The following TRIL variants were observed in gnomAD, a reference collection of about 807,000 sequenced individuals.
The protein encoded by TRIL is TLR4 interactor with leucine rich repeats.
In TRIL, 23 loss-of-function variants were observed where a neutral mutation model predicts 43.0. The ratio of observed to expected loss-of-function variants is 0.54; its 90% CI spans 0.39 to 0.76. The LOEUF (loss-of-function observed/expected upper bound fraction) is 0.76. Among genes scored for constraint, TRIL ranks in the 30% least tolerant of loss-of-function variants. The pLI, the probability that TRIL is intolerant of heterozygous loss-of-function variation, is 0.00. For missense variants in TRIL, 1,114 were observed against 1,139.3 expected, an observed-to-expected ratio of 0.98 and a Z score of 0.32; for synonymous variants, 602 against 556.8, an observed-to-expected ratio of 1.08 and a Z score of -1.14.
Position 28,955,393 on chromosome 7 carries a change from C to T in TRIL, c.*218G>A. ...AGCGAAGCCTCCGACCTCAGCATCC[C>T]ACCATCCATTTGTCCCCTACTCTGG... On this transcript the variant is annotated 3_prime_UTR_variant, in exon 1 of 1. Transcript: ENST00000539664. The T allele has an allele frequency of 4.5e-6, 3 of 664,312 alleles. No individual in the cohort carries two copies. The highest frequency in any genetic ancestry group is 5.4e-5 in the South Asian group (2 of 37,232). 41.2% of individuals were successfully genotyped at this position (664,312 alleles called of 1,614,324 possible).
Position 28,957,982 on chromosome 7 carries a change from A to G in TRIL, c.65T>C (p.Leu22Pro). 1.2e-6 allele frequency: 2 copies of G among 1,600,138 alleles called. No homozygotes were observed. Among genetic ancestry groups the G allele is most frequent in the East Asian group, 4.5e-5 (2 of 44,778 alleles). Residue 22 changes from leucine to proline, a missense_variant, in exon 1 of 1, where the codon CTG becomes CCG. By Grantham distance (98) the Leu-to-Pro change is moderately conservative. Transcript: ENST00000539664. ...GCGCTCCGGGCACACGGGCTCGGCCAGCGGCGGGAGCGCGAGGCAGCCGCA... is the reference window on the plus strand; with the variant it reads ...GCGCTCCGGGCACACGGGCTCGGCCGGCGGCGGGAGCGCGAGGCAGCCGCA... The part of the protein sequence containing the change: ...VVCGCLALPP[L>P]AEPVCPERCD...
Position 28,956,700 on chromosome 7 carries a change from C to A in TRIL, c.1347G>T (p.Glu449Asp). The A allele has an allele frequency of 6.3e-7, 1 of 1,588,590 alleles. No individual in the cohort carries two copies. Among genetic ancestry groups the A allele is most frequent in the Non-Finnish European group, 8.5e-7 (1 of 1,170,700 alleles). The change falls in exon 1 of 1, where the codon GAG (glutamate) becomes GAT (aspartate). Residue 449 changes from glutamate (E) to aspartate (D), a missense_variant. Coordinates refer to ENST00000539664, the MANE Select transcript of TRIL (RefSeq NM_014817.4). ...EMTPPAGLAEELPPQPQLQQQ... is the reference protein window; with the variant it reads ...EMTPPAGLAEDLPPQPQLQQQ... Reference sequence around the variant, plus strand: ...GCTGGAGCTGCGGCTGCGGCGGCAGCTCCTCCGCGAGACCTGCAGGTGGCG... The same window carrying A: ...GCTGGAGCTGCGGCTGCGGCGGCAGATCCTCCGCGAGACCTGCAGGTGGCG...
Position 28,956,847 on chromosome 7 carries a change from G to C in TRIL, c.1200C>G (p.Tyr400Ter). 6.2e-7 allele frequency: 1 copy of C among 1,608,296 alleles called. No individual in the cohort carries two copies. The change falls in exon 1 of 1, where the codon TAC becomes TAG. Residue 400 changes from tyrosine to a stop codon, truncating the protein, a stop_gained. Transcript: ENST00000539664. LOFTEE classifies it high-confidence loss of function. Reference protein sequence around the residue: ...CRHPPALRGKYLDYLDDQQLQ... With the variant: ...CRHPPALRGK ...GCTGCTGGTCATCCAGGTAATCCAGGTATTTGCCTCGCAGGGCCGGGGGGT... is the reference window on the plus strand; with the variant it reads ...GCTGCTGGTCATCCAGGTAATCCAGCTATTTGCCTCGCAGGGCCGGGGGGT...
In TRIL at chr7:28,956,441, G is replaced by A. The variant is rs919246391; in HGVS notation, c.1606C>T (p.Pro536Ser). Residue 536 changes from proline (P) to serine (S), a missense_variant, in exon 1 of 1, where the codon CCT becomes TCT. Transcript: ENST00000539664. Reference protein sequence around the residue: ...ALAEPTPTASPGSAPSPAGDP... With the variant: ...ALAEPTPTASSGSAPSPAGDP... ...CCGGCGGGCGATGGCGCAGAGCCAG[G>A]AGAGGCCGTTGGGGTGGGCTCCGCG... The A allele has an allele frequency of 2.6e-6, 4 of 1,543,252 alleles. No individual in the cohort carries two copies. Among genetic ancestry groups the A allele is most frequent in the Non-Finnish European group, 3.5e-6 (4 of 1,151,570 alleles).
At position 28,956,138 on chromosome 7, in the gene TRIL, C is replaced by T. The variant is rs1473525193; in HGVS notation, c.1909G>A (p.Val637Ile). 6.4e-7 allele frequency: 1 copy of T among 1,568,420 alleles called. No individual in the cohort carries two copies. Among genetic ancestry groups the T allele is most frequent in the Non-Finnish European group, 8.6e-7 (1 of 1,158,594 alleles). The change falls in exon 1 of 1, where the codon GTC becomes ATC. Residue 637 changes from valine to isoleucine, a missense_variant. Coordinates refer to ENST00000539664, the MANE Select transcript of TRIL (RefSeq NM_014817.4). ...FGQQPKFHRFVYLPESSDSAT... is the reference protein window; with the variant it reads ...FGQQPKFHRFIYLPESSDSAT... ...GAGTCGCTGCTCTCAGGCAGGTAGA[C>T]GAAGCGGTGGAACTTGGGCTGCTGG...
Position 28,954,364 on chromosome 7 carries a change from G to T in TRIL, c.*1247C>A, listed in dbSNP as rs1486270519. 1 of 152,622 alleles carries T rather than the reference G, an allele frequency of 6.6e-6. No individual in the cohort carries two copies. The highest frequency in any genetic ancestry group is 1.5e-5 in the Non-Finnish European group (1 of 68,036). 9.5% of individuals were successfully genotyped at this position (152,622 alleles called of 1,614,324 possible). ...ACACTCAGTTGGGGAGGGATTAATTGCAAAATATATCATTATTTCACAGTG... is the reference window on the plus strand; with the variant it reads ...ACACTCAGTTGGGGAGGGATTAATTTCAAAATATATCATTATTTCACAGTG... On this transcript the variant is annotated 3_prime_UTR_variant, in exon 1 of 1. Transcript: ENST00000539664.
rs1356660075 is a variant in TRIL at position 28,954,734 on chromosome 7, T to C, written c.*877A>G. The C allele has an allele frequency of 6.6e-6, 1 of 152,206 alleles. No individual in the cohort carries two copies. The highest frequency in any genetic ancestry group is 1.5e-5 in the Non-Finnish European group (1 of 68,040). The allele number at this position is 152,206 out of a possible 1,614,324, so 9.4% of individuals were successfully genotyped here. ...GTTCCCCAGTGGGTCATCAGCTACATATACATCACATTCTTTTATCAAATC... is the reference window on the plus strand; with the variant it reads ...GTTCCCCAGTGGGTCATCAGCTACACATACATCACATTCTTTTATCAAATC... On this transcript the variant is annotated 3_prime_UTR_variant, in exon 1 of 1. Coordinates refer to ENST00000539664, the MANE Select transcript of TRIL (RefSeq NM_014817.4).
chr7:28,956,696 G>A lies in TRIL; in HGVS notation c.1351C>T (p.Pro451Ser). ...TPPAGLAEEL[P>S]PQPQLQQQGR... ...TGCTGCTGGAGCTGCGGCTGCGGCG[G>A]CAGCTCCTCCGCGAGACCTGCAGGT... is the stretch of plus-strand genomic sequence containing the variant. Residue 451 changes from proline (P) to serine (S), a missense_variant, in exon 1 of 1, where the codon CCG becomes TCG. Coordinates refer to ENST00000539664, the MANE Select transcript of TRIL (RefSeq NM_014817.4). 6.3e-7 allele frequency: 1 copy of A among 1,588,132 alleles called. No individual in the cohort carries two copies. Among genetic ancestry groups the A allele is most frequent in the Non-Finnish European group, 8.5e-7 (1 of 1,170,612 alleles).
chr7:28,957,398 G>T lies in TRIL; in HGVS notation c.649C>A (p.Pro217Thr). 1 of 1,613,536 alleles carries T rather than the reference G, an allele frequency of 6.2e-7. No homozygotes were observed. The highest frequency in any genetic ancestry group is 8.5e-7 in the Non-Finnish European group (1 of 1,179,860). ...AAGGTGGCCGCGTGGCGCAGGGAGG[G>T]CTGTAGCTCGTTGGCAGAGAGGTTG... ...FLNLSANELQPSLRHAATFAP... is the reference protein window; with the variant it reads ...FLNLSANELQTSLRHAATFAP... Residue 217 changes from proline to threonine, a missense_variant, in exon 1 of 1, where the codon CCC becomes ACC. Coordinates refer to ENST00000539664, the MANE Select transcript of TRIL (RefSeq NM_014817.4).
Position 28,955,723 on chromosome 7 carries a change from C to G in TRIL, c.2324G>C (p.Ser775Thr). The G allele has an allele frequency of 6.5e-7, 1 of 1,550,354 alleles. No individual in the cohort carries two copies. The highest frequency in any genetic ancestry group is 8.7e-7 in the Non-Finnish European group (1 of 1,146,916). ...GGGGAATTCGATGAGGTCCGCCTCA[C>G]TGAGCGCGCACACGGTGGTGCGTGG... is the stretch of plus-strand genomic sequence containing the variant. The part of the protein sequence containing the change: ...HRPRTTVCAL[S>T]EADLIEFPCD... Residue 775 changes from serine to threonine, a missense_variant, in exon 1 of 1, where the codon AGT becomes ACT. By Grantham distance (58) the Ser-to-Thr change is moderately conservative. Coordinates refer to ENST00000539664, the MANE Select transcript of TRIL (RefSeq NM_014817.4).
Position 28,958,124 on chromosome 7 carries a change from C to T in TRIL, c.-78G>A, listed in dbSNP as rs1783439865. On this transcript the variant is annotated 5_prime_UTR_variant, in exon 1 of 1. Coordinates refer to ENST00000539664, the MANE Select transcript of TRIL (RefSeq NM_014817.4). ...TGTGTCTCCTCTGCATTCCCCTTAG[C>T]CTGGCCAGAGTCGCTAAATGGCCTC... 6.9e-7 allele frequency: 1 copy of T among 1,440,094 alleles called. No homozygotes were observed. The highest frequency in any genetic ancestry group is 9.1e-7 in the Non-Finnish European group (1 of 1,098,838). The allele number at this position is 1,440,094 out of a possible 1,614,324, so 89.2% of individuals were successfully genotyped here.
Position 28,955,199 on chromosome 7 carries a change from C to T in TRIL, c.*412G>A, listed in dbSNP as rs986706928. ...CCTTTGTAATGGTAATAAGTTCCTTCCTTAAATAGAAACAAAACTTCTCTG... is the reference window on the plus strand; with the variant it reads ...CCTTTGTAATGGTAATAAGTTCCTTTCTTAAATAGAAACAAAACTTCTCTG... On this transcript the variant is annotated 3_prime_UTR_variant, in exon 1 of 1. Transcript: ENST00000539664. 5.5e-6 allele frequency: 1 copy of T among 183,486 alleles called. No homozygotes were observed. Among genetic ancestry groups the T allele is most frequent in the African/African-American group, 2.3e-5 (1 of 42,786 alleles). 11.4% of individuals were successfully genotyped at this position (183,486 alleles called of 1,614,324 possible). A position where few individuals can be genotyped will look rare whatever the true frequency, so the allele number is the denominator to read the frequency against.
At position 28,957,690 on chromosome 7, in the gene TRIL, C is replaced by T. The variant is rs368236365; in HGVS notation, c.357G>A (p.Leu119=). ...LEELYLGNNL[L]QALAPGTLAP... ...CCAGCGTGCCCGGGGCGAGCGCCTG[C>T]AAGAGGTTGTTCCCCAGGTACAGCT... The change falls in exon 1 of 1, where the codon TTG becomes TTA. Residue 119 remains leucine, a synonymous_variant. Coordinates refer to ENST00000539664, the MANE Select transcript of TRIL (RefSeq NM_014817.4). The T allele has an allele frequency of 3.8e-5, 61 of 1,609,674 alleles. No homozygotes were observed. The highest frequency in any genetic ancestry group is 5.0e-5 in the Non-Finnish European group (59 of 1,178,162).
chr7:28,955,127 C>A lies in TRIL; in HGVS notation c.*484G>T, dbSNP rs1583883982. The A allele has an allele frequency of 1.3e-5, 2 of 157,914 alleles. No homozygotes were observed. The highest frequency in any genetic ancestry group is 1.3e-4 in the Admixed American group (2 of 15,442). The allele number at this position is 157,914 out of a possible 1,614,324, so 9.8% of individuals were successfully genotyped here. A position where few individuals can be genotyped will look rare whatever the true frequency, so the allele number is the denominator to read the frequency against. ...AAACTTTACCACCTGTTTACATCCC[C>A]CTTCTTGGCAGAGATCACCAAACCA... On this transcript the variant is annotated 3_prime_UTR_variant, in exon 1 of 1. Coordinates refer to ENST00000539664, the MANE Select transcript of TRIL (RefSeq NM_014817.4).
In TRIL at chr7:28,956,463, C is replaced by T; in HGVS notation, c.1584G>A (p.Ala528=). 1.3e-6 allele frequency: 2 copies of T among 1,549,062 alleles called. No homozygotes were observed. Among genetic ancestry groups the T allele is most frequent in the Non-Finnish European group, 1.7e-6 (2 of 1,154,850 alleles). Residue 528 remains alanine, a synonymous_variant, in exon 1 of 1, where the codon GCG becomes GCA. Coordinates refer to ENST00000539664, the MANE Select transcript of TRIL (RefSeq NM_014817.4). ...CAGGAGAGGCCGTTGGGGTGGGCTC[C>T]GCGAGGGCGGGATCTGCCCGAGTCG... ...GRPTRADPAL[A]EPTPTASPGS...
chr7:28,955,406 TC>T lies in TRIL; in HGVS notation c.*204del. The T allele has an allele frequency of 1.4e-6, 1 of 727,346 alleles. No homozygotes were observed. Among genetic ancestry groups the T allele is most frequent in the Non-Finnish European group, 2.1e-6 (1 of 476,264 alleles). The allele number at this position is 727,346 out of a possible 1,614,324, so 45.1% of individuals were successfully genotyped here. A position where few individuals can be genotyped will look rare whatever the true frequency, so the allele number is the denominator to read the frequency against. On this transcript the variant is annotated 3_prime_UTR_variant, in exon 1 of 1. Coordinates refer to ENST00000539664, the MANE Select transcript of TRIL (RefSeq NM_014817.4). ...ACCTCAGCATCCCACCATCCATTTG[TC>T]CCCTACTCTGGCTCTGACCACCAAG...
rs1340620869 is a variant in TRIL at position 28,956,316 on chromosome 7, G to A, written c.1731C>T (p.Ser577=). The change falls in exon 1 of 1, where the codon TCC becomes TCT. Residue 577 remains serine, a synonymous_variant. Transcript: ENST00000539664. The part of the protein sequence containing the change: ...DGGAGLPPLV[S]DPCDFNKFIL... Reference sequence around the variant, plus strand: ...TGAACTTGTTGAAGTCGCATGGGTCGGACACCAGCGGCGGCAGCCCGGCCC... The same window carrying A: ...TGAACTTGTTGAAGTCGCATGGGTCAGACACCAGCGGCGGCAGCCCGGCCC... The A allele has an allele frequency of 4.6e-5, 70 of 1,538,326 alleles. No homozygotes were observed. The highest frequency in any genetic ancestry group is 6.1e-5 in the Non-Finnish European group (70 of 1,148,658).
In TRIL at chr7:28,955,968, G is replaced by A. The variant is rs899799532; in HGVS notation, c.2079C>T (p.Val693=). ...GGGCCAAGGTCAGCAGCTGGTAGTC[G>A]ACGCCGCCCCGGCTCCCGGCCTCCG... ...TLPEAGSRGG[V]DYQLLTLALL... is the part of the protein sequence containing the mutation. The change falls in exon 1 of 1, where the codon GTC becomes GTT. Residue 693 remains valine, a synonymous_variant. Transcript: ENST00000539664. 8.4e-6 allele frequency: 13 copies of A among 1,552,588 alleles called. No individual in the cohort carries two copies. The highest frequency in any genetic ancestry group is 1.8e-4 in the Middle Eastern group (1 of 5,658).
chr7:28,956,726 T>G lies in TRIL; in HGVS notation c.1321A>C (p.Thr441Pro). Residue 441 changes from threonine to proline, a missense_variant, in exon 1 of 1, where the codon ACG becomes CCG. Transcript: ENST00000539664. ...TCCTCCGCGAGACCTGCAGGTGGCG[T>G]CATCTCCTCCCCTGCGGCCGTGGGT... Reference protein sequence around the residue: ...PLPTAAGEEMTPPAGLAEELP... With the variant: ...PLPTAAGEEMPPPAGLAEELP... 6.2e-7 allele frequency: 1 copy of G among 1,602,840 alleles called. No homozygotes were observed. The highest frequency in any genetic ancestry group is 8.5e-7 in the Non-Finnish European group (1 of 1,177,406).
Sources: allele counts gnomAD v4.1 joint callset, GRCh38; gene constraint gnomAD v4.1.1; transcripts MANE v1.5; gene names NCBI Gene and HGNC (gene_info 2026-07-23, HGNC 2026-07-21).